DOC2A: variants seen among roughly 807,000 people sequenced by gnomAD.
DOC2A encodes double C2-like domain-containing protein alpha.
A neutral mutation model predicts 40.6 loss-of-function variants in DOC2A; 28 were observed. The ratio of observed to expected loss-of-function variants is 0.69; its 90% CI spans 0.51 to 0.95. The LOEUF is 0.95. Ranked by LOEUF, DOC2A falls within the 40% of genes least tolerant of loss-of-function variation. DOC2A has a pLI of 0.00. For missense variants in DOC2A, 474 were observed against 552.5 expected, an observed-to-expected ratio of 0.86 and a Z score of 1.42; for synonymous variants, 241 against 236.9, an observed-to-expected ratio of 1.02 and a Z score of -0.16.
In DOC2A at chr16:30,006,726, GGCCCAACTCA is replaced by G; in HGVS notation, c.878+49_879-50del. The G allele has an allele frequency of 6.2e-7, 1 of 1,613,818 alleles. No individual in the cohort carries two copies. Among genetic ancestry groups the G allele is most frequent in the Non-Finnish European group, 8.5e-7 (1 of 1,179,892 alleles). The stretch of plus-strand genomic sequence containing the variant: ...GAACTGAGGGGTGAGGGACAGGCCA[GGCCCAACTCA>G]GGCCAGGGCAGGCTCCCTGGGGAGG... On this transcript the variant is annotated intron_variant, in intron 8 of 10. Transcript: ENST00000350119. The surrounding 1 kb of genome is among the most constrained non-coding windows in gnomAD (Gnocchi z 6.2).
Position 30,008,977 on chromosome 16 carries a change from T to C in DOC2A, c.527+19A>G, listed in dbSNP as rs779428518. The C allele has an allele frequency of 6.4e-7, 1 of 1,558,980 alleles. No individual in the cohort carries two copies. Among genetic ancestry groups the C allele is most frequent in the African/African-American group, 1.4e-5 (1 of 73,746 alleles). On this transcript the variant is annotated intron_variant, in intron 5 of 10. Coordinates refer to ENST00000350119, the MANE Select transcript of DOC2A (RefSeq NM_003586.3). ...CTGTCCCCGAGCTGCTGCTGGGTGG[T>C]GGGGAGGGGGGCCCTCACCTGAGCA...
Position 30,009,895 on chromosome 16 carries a change from T to TC in DOC2A, c.262+65dup. 2.6e-6 allele frequency: 4 copies of TC among 1,513,596 alleles called. No homozygotes were observed. The highest frequency in any genetic ancestry group is 3.6e-6 in the Non-Finnish European group (4 of 1,108,476). The allele number at this position is 1,513,596 out of a possible 1,614,324, so 93.8% of individuals were successfully genotyped here. A position where few individuals can be genotyped will look rare whatever the true frequency, so the allele number is the denominator to read the frequency against. On this transcript the variant is annotated intron_variant, in intron 2 of 10. Transcript: ENST00000350119. This position sits in a 1 kb window ranked among gnomAD's most constrained non-coding sequence, Gnocchi z 4.1. ...ACAGCCAGCAGGGCCCATCCCCCTC[T>TC]CCCCCCACCACGGCAAGCCTGGAGA...
chr16:30,009,906 C>A lies in DOC2A; in HGVS notation c.262+55G>T. On this transcript the variant is annotated intron_variant, in intron 2 of 10. Transcript: ENST00000350119. This position sits in a 1 kb window ranked among gnomAD's most constrained non-coding sequence, Gnocchi z 4.1. ...GGCCCATCCCCCTCTCCCCCCACCA[C>A]GGCAAGCCTGGAGACCCCCACCAGC... is the stretch of plus-strand genomic sequence containing the variant. 2 of 1,607,806 alleles carry A rather than the reference C, an allele frequency of 1.2e-6. No individual in the cohort carries two copies. Among genetic ancestry groups the A allele is most frequent in the Non-Finnish European group, 1.7e-6 (2 of 1,177,312 alleles).
chr16:30,007,702 C>A, intron 5 of DOC2A: 1 of 317,518 alleles, frequency 3.1e-6, no homozygotes. Flanking sequence ...CCTTTTCCTG[C>A]ATGCAGCAGA....
chr16:30,009,703 G>T lies in DOC2A; in HGVS notation c.263-146C>A. ...AGGCTGAGTGGGCCCATGCGTGTGTGCGTCTGGGTCCCTGGCTCGGCCGCA... is the reference window on the plus strand; with the variant it reads ...AGGCTGAGTGGGCCCATGCGTGTGTTCGTCTGGGTCCCTGGCTCGGCCGCA... On this transcript the variant is annotated intron_variant, in intron 2 of 10. Transcript: ENST00000350119. This position sits in a 1 kb window ranked among gnomAD's most constrained non-coding sequence, Gnocchi z 4.1. 1 of 894,432 alleles carries T rather than the reference G, an allele frequency of 1.1e-6. No homozygotes were observed. Among genetic ancestry groups the T allele is most frequent in the Non-Finnish European group, 1.8e-6 (1 of 560,786 alleles). 55.4% of individuals were successfully genotyped at this position (894,432 alleles called of 1,614,324 possible). A position where few individuals can be genotyped will look rare whatever the true frequency, so the allele number is the denominator to read the frequency against.
chr16:30,019,511 C>G (rs951015040), intron 1 of DOC2A, among the ~76,000 whole-genome samples: 4 of 152,242 alleles, frequency 2.6e-5, no homozygotes, highest in Non-Finnish European at 5.9e-5. Flanking sequence ...GTAGCAGGAG[C>G]TCAGCACGTT....
intron 5 of DOC2A, chr16:30,007,585 C>T (rs954145130): frequency 1.4e-5 from 7 of 483,448 alleles, no homozygotes; most frequent in East Asian, 4.0e-5. Flanking sequence ...GGGCAGGAGC[C>T]GAACACCACG....
At chr16:30,022,183 GT>G (rs1267138373), upstream of DOC2A, among the ~76,000 whole-genome samples, 1 of 146,242 alleles carries the variant, frequency 6.8e-6, no homozygotes, top group East Asian at 2.1e-4. Flanking sequence ...GGAGGTGGAG[GT>G]TGCAGTGAGC....
chr16:30,011,240 C>A (rs1031111006), upstream of DOC2A: 2 of 859,340 alleles, frequency 2.3e-6, no homozygotes, highest in Admixed American at 6.2e-5. Context: ...GTGCACACAT[C>A]CAACCGGGCA....
chr16:30,007,216 G>GA lies in DOC2A; in HGVS notation c.610dup (p.Ser204PhefsTer7). ...GCAGATGTTAAAATGCTTCTTCTGC[G>GA]AAGGCTTGAGGCGGCGGAGGGGCAC... On this transcript the variant is annotated frameshift_variant, in exon 6 of 11. Transcript: ENST00000350119. LOFTEE classifies it high-confidence loss of function. 6.2e-7 allele frequency: 1 copy of GA among 1,614,024 alleles called. No homozygotes were observed. The highest frequency in any genetic ancestry group is 8.5e-7 in the Non-Finnish European group (1 of 1,180,034).
rs920786836 is a variant in DOC2A, at chr16:30,010,585, C to T, written c.-14+318G>A. On this transcript the variant is annotated intron_variant, in intron 1 of 10. Coordinates refer to ENST00000350119, the MANE Select transcript of DOC2A (RefSeq NM_003586.3). The surrounding 1 kb of genome is among the most constrained non-coding windows in gnomAD (Gnocchi z 4.2). ...CCTGCCTGTCCCCCAAGGGGCCCTG[C>T]AGGGCCCCGCCTCTGTTTCTCGGAG... The T allele has an allele frequency of 5.8e-5, 20 of 346,542 alleles. No homozygotes were observed. Among genetic ancestry groups the T allele is most frequent in the Non-Finnish European group, 1.0e-4 (19 of 182,074 alleles). The allele number at this position is 346,542 out of a possible 1,614,324, so 21.5% of individuals were successfully genotyped here.
chr16:30,013,074 G>A, upstream of DOC2A, among the ~76,000 whole-genome samples: 1 of 150,720 alleles, frequency 6.6e-6, no homozygotes, highest in Non-Finnish European at 1.5e-5. Context: ...AAGTGTCTGG[G>A]CTGGGGGGAA....
Position 30,005,796 on chromosome 16 carries a change from T to G in DOC2A, c.*390A>C. On this transcript the variant is annotated 3_prime_UTR_variant, in exon 11 of 11. Coordinates refer to ENST00000350119, the MANE Select transcript of DOC2A (RefSeq NM_003586.3). ...TATTAAAGGAGTGGCTCTGGGTTTGTTTTTTGTCCTTTTTTTTTGAGACAT... is the reference window on the plus strand; with the variant it reads ...TATTAAAGGAGTGGCTCTGGGTTTGGTTTTTGTCCTTTTTTTTTGAGACAT... 1 of 451,222 alleles carries G rather than the reference T, an allele frequency of 2.2e-6. No homozygotes were observed. The highest frequency in any genetic ancestry group is 5.9e-4 in the Middle Eastern group (1 of 1,698). The allele number at this position is 451,222 out of a possible 1,614,324, so 28.0% of individuals were successfully genotyped here. A position where few individuals can be genotyped will look rare whatever the true frequency, so the allele number is the denominator to read the frequency against.
chr16:30,006,307 G>A lies in DOC2A; in HGVS notation c.1082C>T (p.Ala361Val), dbSNP rs749855078. 1 of 1,611,446 alleles carries A rather than the reference G, an allele frequency of 6.2e-7. No individual in the cohort carries two copies. Among genetic ancestry groups the A allele is most frequent in the South Asian group, 1.1e-5 (1 of 91,008 alleles). The change falls in exon 11 of 11, where the codon GCC becomes GTC. Residue 361 changes from alanine to valine, a missense_variant. By Grantham distance (64) the Ala-to-Val change is moderately conservative. Transcript: ENST00000350119. This position sits in a 1 kb window ranked among gnomAD's most constrained non-coding sequence, Gnocchi z 6.2. ...CCAGTGCTTCCGAGCCTCGCCTCGG[G>A]CACCTGGCCCCAGGGACACGCCACC... Reference protein sequence around the residue: ...FIGGVSLGPGARGEARKHWSD... With the variant: ...FIGGVSLGPGVRGEARKHWSD...
upstream of DOC2A, among the ~76,000 whole-genome samples, chr16:30,022,246 CAAAAAAAAAAA>C (rs60987861): frequency 1.5e-4 from 5 of 34,290 alleles, no homozygotes; most frequent in East Asian, 1.2e-3. Flanking sequence ...AACTCCATCT[CAAAAAAAAAAA>C]AAAAAAAAAA....
chr16:30,021,744 A>T (rs2150965739), upstream of DOC2A: 1 of 149,446 alleles, frequency 6.7e-6, no homozygotes, highest in East Asian at 2.0e-4. Context: ...GACGCCTGCT[A>T]CTCCTCTCGG....
chr16:30,009,992 C>T lies in DOC2A; in HGVS notation c.231G>A (p.Ala77=), dbSNP rs527492087. 1.5e-5 allele frequency: 24 copies of T among 1,611,894 alleles called. No individual in the cohort carries two copies. The East Asian group carries it at 2.2e-4, about 15-fold the overall frequency. The change falls in exon 2 of 11, where the codon GCG becomes GCA. Residue 77 remains alanine (A), a synonymous_variant. Transcript: ENST00000350119. The surrounding 1 kb of genome is among the most constrained non-coding windows in gnomAD (Gnocchi z 4.1). ...CATCCGAGTCATAGCTGTCCACCTC[C>T]GCACCATCCTCAGGCGTGGTGGCCC... is the stretch of plus-strand genomic sequence containing the variant. ...LLGATTPEDG[A]EVDSYDSDDA...
At chr16:30,018,475 C>T (rs1242273612) in intron 1 of DOC2A, among the ~76,000 whole-genome samples, 8 of 152,140 alleles carry the variant, frequency 5.3e-5, no homozygotes, top group Middle Eastern at 3.4e-3. Context: ...CATGAGCCCC[C>T]GAACCTGGCC....
chr16:30,007,680 G>A (rs754963276), intron 5 of DOC2A: 25 of 339,384 alleles, frequency 7.4e-5, no homozygotes, highest in East Asian at 3.0e-4. Context: ...ACGCCTCCTC[G>A]GGAACCCCCG....
Sources: allele counts gnomAD v4.1 joint callset (sites outside exome capture counted in the v4.1 genomes callset), GRCh38; gene constraint gnomAD v4.1.1; non-coding constraint Gnocchi (gnomAD v3.1); transcripts MANE v1.5; gene names NCBI Gene and HGNC (gene_info 2026-07-23, HGNC 2026-07-21).